NCALD: variants seen among roughly 807,000 people sequenced by gnomAD.
NCALD encodes neurocalcin-delta.
Under a neutral mutation model 18.6 loss-of-function variants are expected in NCALD, and 10 were observed. The ratio of observed to expected loss-of-function variants is 0.54; its 90% confidence interval spans 0.33 to 0.91. The LOEUF is 0.91. NCALD is among the 40% of genes least tolerant of loss of function. The pLI, the probability that NCALD is intolerant of heterozygous loss-of-function variation, is 0.03. For synonymous variants in NCALD, 88 were observed against 87.4 expected, an observed-to-expected ratio of 1.01 and a Z score of -0.04; for missense variants, 184 against 247.6, an observed-to-expected ratio of 0.74 and a Z score of 1.72.
chr8:101,934,849 G>A (rs1444498872), intron 2 of NCALD, among the ~76,000 whole-genome samples: 1 of 152,104 alleles, frequency 6.6e-6, no homozygotes, highest in Non-Finnish European at 1.5e-5. Flanking sequence ...CTAAAAAGAA[G>A]AGATAAGATT....
At chr8:101,969,970 C>T (rs1586845784) in intron 2 of NCALD, among the ~76,000 whole-genome samples, 1 of 152,090 alleles carries the variant, frequency 6.6e-6, no homozygotes, top group East Asian at 1.9e-4. Context: ...ATAGAGCATA[C>T]ATCATTTAGC....
At chr8:101,830,187 C>T (rs2131239338) in intron 4 of NCALD, among the ~76,000 whole-genome samples, 1 of 152,106 alleles carries the variant, frequency 6.6e-6, no homozygotes, top group South Asian at 2.1e-4. Context: ...TATCCTTGGG[C>T]TTATAAGATA....
At chr8:101,815,186 C>A (rs988889703) in intron 4 of NCALD, among the ~76,000 whole-genome samples, 2 of 152,024 alleles carry the variant, frequency 1.3e-5, no homozygotes, top group Non-Finnish European at 2.9e-5. Context: ...AAGAACAGAG[C>A]TGGAGGACTG....
At chr8:102,084,920 G>A (rs187274636) in intron 1 of NCALD, among the ~76,000 whole-genome samples, 1 of 152,182 alleles carries the variant, frequency 6.6e-6, no homozygotes, top group African/African-American at 2.4e-5. Flanking sequence ...GGGTTGGTGG[G>A]GTGGGAAGAA....
intron 2 of NCALD, among the ~76,000 whole-genome samples, chr8:102,007,260 G>A (rs1283922126): frequency 6.6e-6 from 1 of 152,186 alleles, no homozygotes; most frequent in South Asian, 2.1e-4. Flanking sequence ...TCTATAAGAA[G>A]TTAGAAAAAG....
chr8:101,692,984 A>C, intron 2 of NCALD, 88 bp from the exon 3 acceptor site: 1 of 944,596 alleles, frequency 1.1e-6, no homozygotes, highest in Admixed American at 1.9e-5. Context: ...TGCGGGCTGA[A>C]GGGAATGTCC....
intron 4 of NCALD, among the ~76,000 whole-genome samples, chr8:101,839,869 C>T (rs1011690951): frequency 3.3e-5 from 5 of 151,916 alleles, no homozygotes; most frequent in Admixed American, 1.3e-4. Flanking sequence ...GGTTCGGTCT[C>T]GGAGGGCAAG....
At chr8:101,889,576 G>A (rs1325205497) in intron 3 of NCALD, among the ~76,000 whole-genome samples, 1 of 152,194 alleles carries the variant, frequency 6.6e-6, no homozygotes, top group Non-Finnish European at 1.5e-5. Flanking sequence ...CTCAAATGGT[G>A]AGAGGAGATT....
At chr8:101,709,117 T>C (rs1460599587) in intron 2 of NCALD, among the ~76,000 whole-genome samples, 1 of 152,228 alleles carries the variant, frequency 6.6e-6, no homozygotes, top group South Asian at 2.1e-4. Flanking sequence ...GGCCTGCGCA[T>C]AGGGGCTCAC....
chr8:101,692,860 G>C lies in NCALD; in HGVS notation c.415C>G (p.Pro139Ala), dbSNP rs752795281. 8 of 1,613,828 alleles carry C rather than the reference G, an allele frequency of 5.0e-6. No individual in the cohort carries two copies. The Admixed American group carries it at 8.3e-5, about 17-fold the overall frequency. ...TTCTCTGGGGTTGACTCATCTTCAG[G>C]CATTTTCATTACAGAGGAAACCATC... ...YKMVSSVMKM[P>A]EDESTPEKRT... is the part of the protein sequence containing the mutation. Residue 139 changes from proline to alanine, a missense_variant, in exon 3 of 4, where the codon CCT becomes GCT. Physicochemically the swap from Pro to Ala is conservative, Grantham distance 27. Coordinates refer to ENST00000220931, the MANE Select transcript of NCALD (RefSeq NM_032041.3).
At chr8:102,015,880 G>A (rs1822066058) in intron 2 of NCALD, among the ~76,000 whole-genome samples, 1 of 152,166 alleles carries the variant, frequency 6.6e-6, no homozygotes, top group Non-Finnish European at 1.5e-5. Flanking sequence ...AGAAACATGA[G>A]ATGAGCCCCA....
intron 4 of NCALD, among the ~76,000 whole-genome samples, chr8:101,870,464 C>T (rs73696533): frequency 1.3e-5 from 2 of 152,096 alleles, no homozygotes; most frequent in East Asian, 1.9e-4. Flanking sequence ...AAAGAAAGTG[C>T]ACTTAATAAT....
At chr8:101,938,690 G>A (rs1818850215) in intron 2 of NCALD, among the ~76,000 whole-genome samples, 1 of 152,060 alleles carries the variant, frequency 6.6e-6, no homozygotes, top group South Asian at 2.1e-4. Context: ...ATAGAAAGAT[G>A]CAACAAATAA....
At chr8:101,965,696 T>C (rs892288981) in intron 2 of NCALD, among the ~76,000 whole-genome samples, 5 of 152,124 alleles carry the variant, frequency 3.3e-5, no homozygotes, top group African/African-American at 1.2e-4. Context: ...CAAACCACCA[T>C]GGCATGCGTA....
intron 4 of NCALD, among the ~76,000 whole-genome samples, chr8:101,860,315 A>C (rs1352725135): frequency 6.6e-6 from 1 of 152,222 alleles, no homozygotes; most frequent in Non-Finnish European, 1.5e-5. Flanking sequence ...GCCATGGAGG[A>C]CATCCAACAC....
chr8:101,956,335 T>C (rs117589716), intron 2 of NCALD, among the ~76,000 whole-genome samples: 1,697 of 152,204 alleles, frequency 0.011, 15 homozygotes, highest in Non-Finnish European at 0.013. Flanking sequence ...ATGACTATGT[T>C]TAAATGAATC....
At chr8:101,918,357 A>C (rs201636769) in intron 2 of NCALD, among the ~76,000 whole-genome samples, 1 of 152,144 alleles carries the variant, frequency 6.6e-6, no homozygotes, top group East Asian at 1.9e-4. Flanking sequence ...ATCTATGGTA[A>C]ACCCACAGCG....
At chr8:101,870,648 A>G (rs1194803496) in intron 4 of NCALD, among the ~76,000 whole-genome samples, 1 of 152,146 alleles carries the variant, frequency 6.6e-6, no homozygotes, top group Non-Finnish European at 1.5e-5. Context: ...AGACTCATGT[A>G]TTCTACACAA....
intron 1 of NCALD, among the ~76,000 whole-genome samples, chr8:102,112,788 TCTCA>T (rs1825679239): frequency 6.6e-6 from 1 of 152,036 alleles, no homozygotes; most frequent in African/African-American, 2.4e-5. Context: ...GTAAGTGAGT[TCTCA>T]CTCTATTAGT....
Sources: allele counts gnomAD v4.1 joint callset (sites outside exome capture counted in the v4.1 genomes callset), GRCh38; gene constraint gnomAD v4.1.1; transcripts MANE v1.5; gene names NCBI Gene and HGNC (gene_info 2026-07-23, HGNC 2026-07-21).